The following UVRAG variants were observed in gnomAD, a reference collection of about 807,000 sequenced individuals.
UVRAG encodes the protein UV radiation resistance associated.
UVRAG carries 19 observed loss-of-function variants against 78.0 expected under a neutral mutation model. The ratio of observed to expected loss-of-function variants is 0.24; its 90% CI spans 0.17 to 0.36. The LOEUF is 0.36. Ranked by LOEUF, UVRAG falls within the 10% of genes least tolerant of loss-of-function variation. The probability of loss-of-function intolerance (pLI) is 1.00; values close to 1 mark genes in which losing one functional copy is unlikely to be tolerated. For missense variants in UVRAG, 740 were observed against 853.8 expected (o/e 0.87, Z 1.66); for synonymous variants, 323 against 324.6 (o/e 1.00, Z 0.05).
In UVRAG at chr11:76,040,845, G is replaced by C. The variant is rs114771846; in HGVS notation, c.1226+23865G>C. On this transcript the variant is annotated intron_variant, in intron 12 of 14. Transcript: ENST00000356136. ...GCTGGGATTACAGGTGTGAGCCACC[G>C]GGCCTGGCCAACACACTGGATTTTA... 9.0e-3 allele frequency among the ~76,000 whole-genome samples: 1,370 copies of C among 152,162 alleles called. 19 individuals are homozygous for C. Among genetic ancestry groups the C allele is most frequent in the African/African-American group, 0.031 (1,306 of 41,506 alleles).
chr11:75,913,483 C>T (rs1230301317), intron 6 of UVRAG, among the ~76,000 whole-genome samples: 1 of 152,160 alleles, frequency 6.6e-6, no homozygotes, highest in Non-Finnish European at 1.5e-5. Context: ...TATCCTAATT[C>T]ATTTAACCTC....
intron 14 of UVRAG, among the ~76,000 whole-genome samples, chr11:76,123,266 G>A (rs972278511): frequency 1.3e-5 from 2 of 152,156 alleles, no homozygotes; most frequent in East Asian, 3.8e-4. Flanking sequence ...CAGGCCTGGT[G>A]GAAACATTCC....
At chr11:76,076,882 T>C (rs951228961) in intron 13 of UVRAG, among the ~76,000 whole-genome samples, 48 of 150,962 alleles carry the variant, frequency 3.2e-4, no homozygotes, top group Non-Finnish European at 5.5e-4. Flanking sequence ...CAGGGTGTGG[T>C]GGTGTCCAAC....
Position 75,815,243 on chromosome 11 carries a change from A to ACGGCGG in UVRAG, c.-163_-158dup. ...GGCTCTTCCTTAGCCAGCGGCGGCA[A>ACGGCGG]CGGCGGCAGCGGCGGCAGCGGCGGC... On this transcript the variant is annotated 5_prime_UTR_variant, in exon 1 of 15. Transcript: ENST00000356136. 2.2e-6 allele frequency: 1 copy of ACGGCGG among 451,250 alleles called. No homozygotes were observed. The highest frequency in any genetic ancestry group is 3.8e-6 in the Non-Finnish European group (1 of 260,750). 28.0% of individuals were successfully genotyped at this position (451,250 alleles called of 1,614,324 possible).
At chr11:75,853,881 T>C (rs1436686929) in intron 2 of UVRAG, among the ~76,000 whole-genome samples, 2 of 152,000 alleles carry the variant, frequency 1.3e-5, no homozygotes. Context: ...CAAGCAATTC[T>C]CCTGCCTCAG....
chr11:75,909,965 A>G (rs1174832635), intron 5 of UVRAG, among the ~76,000 whole-genome samples: 1 of 152,088 alleles, frequency 6.6e-6, no homozygotes, highest in Non-Finnish European at 1.5e-5. Context: ...TGTAAAGTGG[A>G]TATTCTTTCT....
At chr11:76,120,112 T>A (rs1229034635) in intron 14 of UVRAG, among the ~76,000 whole-genome samples, 2 of 152,192 alleles carry the variant, frequency 1.3e-5, no homozygotes, top group African/African-American at 2.4e-5. Context: ...GAGGGAATAG[T>A]TTAAGAAAAG....
chr11:75,970,815 A>G (rs1165047575), intron 7 of UVRAG, among the ~76,000 whole-genome samples: 1 of 152,038 alleles, frequency 6.6e-6, no homozygotes, highest in Admixed American at 6.6e-5. Context: ...CTGTTAAAAC[A>G]TCTTGTACTC....
At chr11:76,134,606 C>G (rs79628484) in intron 14 of UVRAG, among the ~76,000 whole-genome samples, 3,258 of 152,140 alleles carry the variant, frequency 0.021, 42 homozygotes, top group South Asian at 0.041. Flanking sequence ...ACCCTGTGTT[C>G]CTGTGCAAGA....
intron 7 of UVRAG, among the ~76,000 whole-genome samples, chr11:75,976,241 C>T (rs1949236096): frequency 6.6e-6 from 1 of 152,100 alleles, no homozygotes; most frequent in African/African-American, 2.4e-5. Flanking sequence ...TGGATAAGCT[C>T]TTTGATGTGC....
chr11:76,103,333 C>T (rs767751756), intron 13 of UVRAG, among the ~76,000 whole-genome samples: 1 of 152,182 alleles, frequency 6.6e-6, no homozygotes, highest in Non-Finnish European at 1.5e-5. Context: ...ACTCTCTCTG[C>T]ACTGTATGAG....
chr11:75,982,503 G>T (rs546992702), intron 7 of UVRAG, among the ~76,000 whole-genome samples: 1 of 152,184 alleles, frequency 6.6e-6, no homozygotes, highest in Non-Finnish European at 1.5e-5. Context: ...CTGCATTGGG[G>T]GTGGGAGAGG....
intron 7 of UVRAG, among the ~76,000 whole-genome samples, chr11:75,974,715 G>C (rs1252024299): frequency 6.6e-6 from 1 of 152,012 alleles, no homozygotes; most frequent in Non-Finnish European, 1.5e-5. Flanking sequence ...CCCACTTTTT[G>C]ATGGGGTTGT....
chr11:75,965,815 T>G (rs1487233177), intron 7 of UVRAG, among the ~76,000 whole-genome samples: 2 of 152,176 alleles, frequency 1.3e-5, no homozygotes, highest in Non-Finnish European at 2.9e-5. Context: ...ATTATGCTAG[T>G]TATTTATAGT....
intron 14 of UVRAG, among the ~76,000 whole-genome samples, chr11:76,127,507 C>G (rs544482327): frequency 6.6e-6 from 1 of 150,532 alleles, no homozygotes; most frequent in Non-Finnish European, 1.5e-5. Flanking sequence ...GAAAGTTAGC[C>G]GGGTGTGGTG....
intron 2 of UVRAG, among the ~76,000 whole-genome samples, chr11:75,853,570 A>G (rs1275258121): frequency 1.3e-5 from 2 of 151,828 alleles, no homozygotes; most frequent in African/African-American, 2.4e-5. Flanking sequence ...CATGTTGGCC[A>G]GGCTGGTCTC....
intron 6 of UVRAG, among the ~76,000 whole-genome samples, chr11:75,946,794 G>A (rs903014914): frequency 2.6e-5 from 4 of 152,186 alleles, no homozygotes; most frequent in African/African-American, 4.8e-5. Context: ...TTCAGGAAGG[G>A]CCAGTCCCTT....
chr11:76,133,987 T>G (rs973658286), intron 14 of UVRAG, among the ~76,000 whole-genome samples: 1 of 149,336 alleles, frequency 6.7e-6, no homozygotes, highest in Non-Finnish European at 1.5e-5. Context: ...GGAGTCTCAC[T>G]CTGTTGCCCA....
chr11:75,890,241 T>C (rs1947186678), intron 5 of UVRAG, among the ~76,000 whole-genome samples: 1 of 152,202 alleles, frequency 6.6e-6, no homozygotes, highest in Non-Finnish European at 1.5e-5. Flanking sequence ...TTTCAGTAAT[T>C]TCATTCTGGC....
Sources: allele counts gnomAD v4.1 joint callset (sites outside exome capture counted in the v4.1 genomes callset), GRCh38; gene constraint gnomAD v4.1.1; transcripts MANE v1.5; gene names NCBI Gene and HGNC (gene_info 2026-07-23, HGNC 2026-07-21).